The following TGFBRAP1 variants were observed in gnomAD, a reference collection of about 807,000 sequenced individuals.
TGFBRAP1 encodes the protein transforming growth factor-beta receptor-associated protein 1.
In TGFBRAP1, 20 loss-of-function variants were observed where a neutral mutation model predicts 83.2. The ratio of observed to expected loss-of-function variants is 0.24; its 90% confidence interval spans 0.17 to 0.35. The LOEUF (loss-of-function observed/expected upper bound fraction) is 0.35. Ranked by LOEUF, TGFBRAP1 falls within the 10% of genes least tolerant of loss-of-function variation. The pLI is 1.00. For missense variants in TGFBRAP1, 950 were observed against 1,099.4 expected (o/e 0.86, Z 1.92); for synonymous variants, 415 against 459.8 (o/e 0.90, Z 1.25).
downstream of TGFBRAP1, among the ~76,000 whole-genome samples, chr2:105,260,919 T>A (rs532988671): frequency 6.6e-6 from 1 of 152,230 alleles, no homozygotes; most frequent in Admixed American, 6.5e-5. Context: ...ATAAAGGGAA[T>A]ACATTCTTGT....
At chr2:105,251,964 TC>T in the TGFBRAP1 span, among the ~76,000 whole-genome samples, 1 of 149,414 alleles carries the variant, frequency 6.7e-6, no homozygotes, top group Non-Finnish European at 1.5e-5. Context: ...TTAAGAGTCA[TC>T]ACCACTCCCT....
At chr2:105,306,295 C>G (rs752771236) in intron 2 of TGFBRAP1, among the ~76,000 whole-genome samples, 11 of 151,956 alleles carry the variant, frequency 7.2e-5, no homozygotes, top group Non-Finnish European at 1.2e-4. Flanking sequence ...CTCCCCACCA[C>G]AGGTGATCCA....
At chr2:105,254,902 A>G in the TGFBRAP1 span, among the ~76,000 whole-genome samples, 1 of 152,166 alleles carries the variant, frequency 6.6e-6, no homozygotes, top group Admixed American at 6.5e-5. Context: ...GAAAGGGGCC[A>G]TCTGAAGCCA....
intron 4 of TGFBRAP1, among the ~76,000 whole-genome samples, chr2:105,290,615 C>CCGTGTG (rs201513561): frequency 1.9e-5 from 2 of 103,784 alleles, no homozygotes; most frequent in Admixed American, 9.8e-5. Context: ...AACAGAGAGA[C>CCGTGTG]AGTGTGTGTG....
chr2:105,278,102 GTGTGTGTGTGTA>G (rs1677413797), intron 6 of TGFBRAP1, among the ~76,000 whole-genome samples: 1 of 122,616 alleles, frequency 8.2e-6, no homozygotes, highest in African/African-American at 2.8e-5. Flanking sequence ...GTGTGTGTGT[GTGTGTGTGTGTA>G]GTTCAACAAC....
chr2:105,307,258 T>C (rs894001042), intron 2 of TGFBRAP1, among the ~76,000 whole-genome samples: 11 of 152,178 alleles, frequency 7.2e-5, no homozygotes, highest in Non-Finnish European at 1.5e-4. Flanking sequence ...TTCTCTGTTC[T>C]CTATTTCCCT....
rs1677141716 is a variant in TGFBRAP1, at chr2:105,271,122, AC to A, written c.1973-1418del. Among the ~76,000 whole-genome samples the A allele has an allele frequency of 3.9e-5, 6 of 152,124 alleles. No homozygotes were observed. In the South Asian group the frequency reaches 1.3e-3, roughly 32 times the overall value. ...GGCCTCTTCCGGGAGGCTGCCTCTG[AC>A]CCCTCCACCCCAAGGCACAGCTCGT... On this transcript the variant is annotated intron_variant, in intron 10 of 11. Transcript: ENST00000393359.
At chr2:105,264,308 A>G (rs1013211750), downstream of TGFBRAP1, 2 of 152,210 alleles carry the variant, frequency 1.3e-5, no homozygotes, top group African/African-American at 2.4e-5. Context: ...AGCAGAATTT[A>G]AGGGGTTGGC....
intron 1 of TGFBRAP1, among the ~76,000 whole-genome samples, chr2:105,329,287 G>A (rs1004488734): frequency 1.3e-5 from 2 of 151,732 alleles, no homozygotes; most frequent in African/African-American, 4.8e-5. Flanking sequence ...AAACACACAC[G>A]CACTCCTCAC....
chr2:105,252,491 C>T, the TGFBRAP1 span, among the ~76,000 whole-genome samples: 1 of 152,174 alleles, frequency 6.6e-6, no homozygotes, highest in Non-Finnish European at 1.5e-5. Context: ...CCCTTCAGAC[C>T]CACACAGGTG....
At chr2:105,329,290 C>G (rs1679302740) in intron 1 of TGFBRAP1, among the ~76,000 whole-genome samples, 1 of 152,020 alleles carries the variant, frequency 6.6e-6, no homozygotes. Context: ...CACACACGCA[C>G]TCCTCACACA....
intron 4 of TGFBRAP1, among the ~76,000 whole-genome samples, chr2:105,295,809 C>CA (rs368369527): frequency 0.015 from 1,088 of 74,094 alleles, 14 homozygotes; most frequent in Non-Finnish European, 0.016. Context: ...GACTCCATCT[C>CA]AAAAAAAAAA....
At chr2:105,307,462 G>T in intron 2 of TGFBRAP1, 152 bp downstream of exon 2, 2 of 826,914 alleles carry the variant, frequency 2.4e-6, no homozygotes, top group Non-Finnish European at 3.8e-6. Context: ...ATTTCATCAA[G>T]CACTGGTCAA....
At chr2:105,275,368 T>C (rs555283342) in intron 8 of TGFBRAP1, among the ~76,000 whole-genome samples, 192 bp downstream of exon 8, 2 of 152,330 alleles carry the variant, frequency 1.3e-5, no homozygotes, top group Admixed American at 6.5e-5. Flanking sequence ...AGCAGCAAGA[T>C]GCAGAACTGC....
chr2:105,319,955 A>G (rs2576726), intron 1 of TGFBRAP1, among the ~76,000 whole-genome samples: 110,191 of 151,554 alleles, frequency 0.73, 40,276 homozygotes, highest in East Asian at 0.82. Context: ...ACACACACAC[A>G]CACAATAGGA....
At chr2:105,273,165 C>T in intron 9 of TGFBRAP1, 151 bp from the exon 10 acceptor site, 5 of 983,052 alleles carry the variant, frequency 5.1e-6, no homozygotes, top group Non-Finnish European at 7.3e-6. Context: ...CTCTCAGAAA[C>T]CATGATACTG....
At chr2:105,312,051 A>T (rs1678712703) in intron 1 of TGFBRAP1, among the ~76,000 whole-genome samples, 1 of 152,214 alleles carries the variant, frequency 6.6e-6, no homozygotes, top group African/African-American at 2.4e-5. Flanking sequence ...TATTAAATAT[A>T]ACTTGCTGGG....
chr2:105,274,444 T>C (rs542812060), intron 8 of TGFBRAP1, among the ~76,000 whole-genome samples: 41 of 152,338 alleles, frequency 2.7e-4, no homozygotes, highest in South Asian at 4.1e-4. Flanking sequence ...TCTATAAGCC[T>C]GGATTTGTGT....
chr2:105,313,696 A>G (rs1339914526), intron 1 of TGFBRAP1, among the ~76,000 whole-genome samples: 1 of 152,166 alleles, frequency 6.6e-6, no homozygotes, highest in African/African-American at 2.4e-5. Flanking sequence ...TAGCACACGA[A>G]ATCCACAAAT....
Sources: allele counts gnomAD v4.1 joint callset (sites outside exome capture counted in the v4.1 genomes callset), GRCh38; gene constraint gnomAD v4.1.1; transcripts MANE v1.5; gene names NCBI Gene and HGNC (gene_info 2026-07-23, HGNC 2026-07-21).